Variants in COA1 observed in about 807,000 individuals in gnomAD.
COA1 encodes cytochrome c oxidase assembly factor 1.
COA1 carries 13 observed loss-of-function variants against 16.0 expected under a neutral mutation model. The ratio of observed to expected loss-of-function variants is 0.81; its 90% CI spans 0.53 to 1.29. COA1 has a LOEUF of 1.29. Among genes scored for constraint, COA1 ranks in the 50% most tolerant of loss-of-function variants. The probability of loss-of-function intolerance (pLI) is 0.00; values close to 1 mark genes in which losing one functional copy is unlikely to be tolerated. For missense variants in COA1, 179 were observed against 177.0 expected (o/e 1.01, Z -0.06); for synonymous variants, 65 against 65.7 (o/e 0.99, Z 0.05).
intron 1 of COA1, among the ~76,000 whole-genome samples, chr7:43,707,194 G>A (rs763226105): frequency 1.3e-5 from 2 of 152,232 alleles, no homozygotes; most frequent in East Asian, 3.9e-4. Context: ...AAGCCTTGCT[G>A]GCTAAAACTG....
rs1563233362 is a variant in COA1 at position 43,645,435 on chromosome 7, A to G, written c.116-36T>C. 1.9e-6 allele frequency: 3 copies of G among 1,601,894 alleles called. No individual in the cohort carries two copies. The Admixed American group carries it at 5.0e-5, about 27-fold the overall frequency. ...AAGACACACTTATTTTCTTTATTGAACTTGGTCAGGTAGAATCTACTACAC... is the reference window on the plus strand; with the variant it reads ...AAGACACACTTATTTTCTTTATTGAGCTTGGTCAGGTAGAATCTACTACAC... On this transcript the variant is annotated intron_variant, in intron 3 of 5. Transcript: ENST00000223336.
At chr7:43,664,010 C>T (rs867602747) in intron 1 of COA1, among the ~76,000 whole-genome samples, 2 of 151,680 alleles carry the variant, frequency 1.3e-5, no homozygotes, top group Middle Eastern at 6.8e-3. Context: ...GAGCCAAGAT[C>T]GTGCCACTTT....
chr7:43,653,404 G>A (rs1210443996), intron 1 of COA1, among the ~76,000 whole-genome samples: 1 of 152,148 alleles, frequency 6.6e-6, no homozygotes, highest in Non-Finnish European at 1.5e-5. Context: ...TAAGGTAAGG[G>A]AGACAAAAGG....
intron 6 of COA1, among the ~76,000 whole-genome samples, chr7:43,619,293 G>GCAAGCGT (rs1156933274): frequency 6.6e-6 from 1 of 152,310 alleles, no homozygotes; most frequent in Admixed American, 6.5e-5. Flanking sequence ...AATAGTAGGA[G>GCAAGCGT]CAAGCGTGCT....
chr7:43,652,179 A>G (rs958935071), intron 1 of COA1, among the ~76,000 whole-genome samples: 11 of 152,252 alleles, frequency 7.2e-5, no homozygotes, highest in Non-Finnish European at 1.5e-4. Flanking sequence ...AGGTACCTGA[A>G]GCAGGAGCAG....
rs74764536 is a variant in COA1 at position 43,615,083 on chromosome 7, A to G, written c.*134-5588T>C. Among the ~76,000 whole-genome samples, 423 of 152,384 alleles carry G rather than the reference A, an allele frequency of 2.8e-3. 2 individuals are homozygous for G. Among genetic ancestry groups the G allele is most frequent in the African/African-American group, 9.6e-3 (399 of 41,588 alleles). On this transcript the variant is annotated intron_variant and NMD_transcript_variant, in intron 6 of 6. Transcript: ENST00000415076. The stretch of plus-strand genomic sequence containing the variant: ...TGTACTCAAAAGGGCAAAACATTCA[A>G]TTATGAATATGTATCACTGAACCAA...
chr7:43,638,278 G>C (rs78514931), downstream of COA1, among the ~76,000 whole-genome samples: 1,767 of 150,902 alleles, frequency 0.012, 27 homozygotes, highest in African/African-American at 0.041. Flanking sequence ...TAAGAATGTA[G>C]GAAGAGAGCT....
At chr7:43,611,121 CAA>C (rs778693550) in intron 6 of COA1, among the ~76,000 whole-genome samples, 1 of 151,170 alleles carries the variant, frequency 6.6e-6, no homozygotes, top group Non-Finnish European at 1.5e-5. Flanking sequence ...CGTCTCAAAA[CAA>C]AAAAAAGAGG....
chr7:43,647,590 A>G lies in COA1; in HGVS notation c.60T>C (p.Leu20=). 6.2e-7 allele frequency: 1 copy of G among 1,614,126 alleles called. No homozygotes were observed. The highest frequency in any genetic ancestry group is 8.5e-7 in the Non-Finnish European group (1 of 1,179,964). The change falls in exon 3 of 6, where the codon CTT becomes CTC. Residue 20 remains leucine, a synonymous_variant. Coordinates refer to ENST00000223336, the MANE Select transcript of COA1 (RefSeq NM_018224.4). ...CCCCGGCATAGAACACACCGTGGAA[A>G]AGGATCCTTGCTCCCAGAGGCATTG... The part of the protein sequence containing the change: ...RRSMPLGARI[L]FHGVFYAGGF...
At chr7:43,687,126 C>T (rs918289475) in intron 1 of COA1, among the ~76,000 whole-genome samples, 1 of 152,196 alleles carries the variant, frequency 6.6e-6, no homozygotes, top group Non-Finnish European at 1.5e-5. Flanking sequence ...TGAGTAGTGA[C>T]CAATGCTTCC....
intron 1 of COA1, among the ~76,000 whole-genome samples, chr7:43,700,764 A>C (rs2094705423): frequency 6.6e-6 from 1 of 152,174 alleles, no homozygotes; most frequent in Admixed American, 6.5e-5. Flanking sequence ...TAAGAAAATG[A>C]AGCCATAGCA....
chr7:43,639,835 A>G lies in COA1; in HGVS notation c.342-154T>C, dbSNP rs528627538. ...CGAGTGCTGTGTCAACACAATTTTTAACATTCTACCATGGGCTCTCATTAT... is the reference window on the plus strand; with the variant it reads ...CGAGTGCTGTGTCAACACAATTTTTGACATTCTACCATGGGCTCTCATTAT... On this transcript the variant is annotated intron_variant, in intron 5 of 5. Transcript: ENST00000223336. Among the ~76,000 whole-genome samples, 6 of 152,364 alleles carry G rather than the reference A, an allele frequency of 3.9e-5. No individual in the cohort carries two copies. The South Asian group carries it at 1.0e-3, about 26-fold the overall frequency.
At chr7:43,670,618 C>A (rs1352799094) in intron 1 of COA1, among the ~76,000 whole-genome samples, 1 of 152,092 alleles carries the variant, frequency 6.6e-6, no homozygotes, top group Non-Finnish European at 1.5e-5. Context: ...ATTACACATG[C>A]ATATAAAAAT....
At chr7:43,681,185 C>T (rs936670899) in intron 1 of COA1, among the ~76,000 whole-genome samples, 4 of 152,120 alleles carry the variant, frequency 2.6e-5, no homozygotes, top group Non-Finnish European at 5.9e-5. Context: ...ACCCATTCAT[C>T]GTATATAGGA....
chr7:43,624,597 G>A (rs2084283988), intron 6 of COA1: 6 of 1,614,080 alleles, frequency 3.7e-6, no homozygotes, highest in Non-Finnish European at 5.1e-6. Context: ...TTTCAGGATG[G>A]AAAAGGCACT....
chr7:43,665,099 T>C (rs2092789237), intron 1 of COA1, among the ~76,000 whole-genome samples: 1 of 152,128 alleles, frequency 6.6e-6, no homozygotes, highest in South Asian at 2.1e-4. Flanking sequence ...TCAAAAAACA[T>C]TAATGTGTTT....
At chr7:43,686,803 TC>T (rs1186088340) in intron 1 of COA1, among the ~76,000 whole-genome samples, 1 of 152,204 alleles carries the variant, frequency 6.6e-6, no homozygotes, top group Non-Finnish European at 1.5e-5. Context: ...GCCTTTGTTT[TC>T]AACGAGAAAA....
intron 1 of COA1, 185 bp from the exon 2 acceptor site, chr7:43,648,837 G>A: frequency 1.9e-6 from 1 of 539,572 alleles, no homozygotes; most frequent in Non-Finnish European, 3.3e-6. Flanking sequence ...GCCAAATTAG[G>A]AAGAAAAAAC....
intron 6 of COA1, among the ~76,000 whole-genome samples, chr7:43,620,805 C>CTG (rs1340715784): frequency 6.6e-6 from 1 of 152,126 alleles, no homozygotes; most frequent in Non-Finnish European, 1.5e-5. Context: ...TGAAGGTAGG[C>CTG]TGTCTGGGTC....
Sources: allele counts gnomAD v4.1 joint callset (sites outside exome capture counted in the v4.1 genomes callset), GRCh38; gene constraint gnomAD v4.1.1; transcripts MANE v1.5; gene names NCBI Gene and HGNC (gene_info 2026-07-23, HGNC 2026-07-21).